Variants in RIT2 observed in about 807,000 individuals in gnomAD.
RIT2 encodes Ras like without CAAX 2.
RIT2 carries 24 observed loss-of-function variants against 23.7 expected under a neutral mutation model. The observed-to-expected ratio is 1.01, with a 90% CI of 0.73 to 1.43. The LOEUF (loss-of-function observed/expected upper bound fraction) is 1.43, where lower values mean the gene tolerates loss of function less well. Among genes scored for constraint, RIT2 ranks in the 40% most tolerant of loss-of-function variants. The pLI is 0.00. For missense variants in RIT2, 236 were observed against 266.9 expected (o/e 0.88, Z 0.81); for synonymous variants, 107 against 91.1 (o/e 1.17, Z -0.99).
chr18:42,906,552 A>T (rs531106133), intron 4 of RIT2, among the ~76,000 whole-genome samples: 61 of 152,268 alleles, frequency 4.0e-4, no homozygotes, highest in African/African-American at 1.4e-3. Flanking sequence ...GATACACTTA[A>T]GACACTCTGA....
chr18:43,006,285 T>C (rs960555475), intron 2 of RIT2, among the ~76,000 whole-genome samples: 1 of 150,512 alleles, frequency 6.6e-6, no homozygotes, highest in African/African-American at 2.4e-5. Context: ...TTTGTACAAA[T>C]ATAAGTAAGT....
At chr18:42,991,072 T>A (rs1356995352) in intron 2 of RIT2, among the ~76,000 whole-genome samples, 1 of 152,106 alleles carries the variant, frequency 6.6e-6, no homozygotes, top group Admixed American at 6.6e-5. Context: ...AAGCAGAACC[T>A]TTTCGGAAAC....
At chr18:42,795,738 T>C (rs1334452579) in intron 4 of RIT2, among the ~76,000 whole-genome samples, 1 of 152,332 alleles carries the variant, frequency 6.6e-6, no homozygotes, top group East Asian at 1.9e-4. Context: ...AGCTCAGGGA[T>C]TGTAAATACA....
At chr18:42,799,052 C>T (rs1905453907) in intron 4 of RIT2, among the ~76,000 whole-genome samples, 1 of 152,194 alleles carries the variant, frequency 6.6e-6, no homozygotes, top group African/African-American at 2.4e-5. Flanking sequence ...TACTGTCACG[C>T]TGTCAACATA....
chr18:42,873,066 G>A (rs2144066429), intron 4 of RIT2, among the ~76,000 whole-genome samples: 1 of 152,270 alleles, frequency 6.6e-6, no homozygotes, highest in South Asian at 2.1e-4. Flanking sequence ...CTTGGGCTTA[G>A]CTGTCCTAAC....
At chr18:43,050,496 T>C (rs902637968) in intron 1 of RIT2, among the ~76,000 whole-genome samples, 1 of 152,082 alleles carries the variant, frequency 6.6e-6, no homozygotes, top group African/African-American at 2.4e-5. Flanking sequence ...TGTGGTGTTA[T>C]GGTGTTTTGG....
At chr18:42,887,375 CA>C (rs1908049723) in intron 4 of RIT2, among the ~76,000 whole-genome samples, 1 of 152,102 alleles carries the variant, frequency 6.6e-6, no homozygotes, top group Non-Finnish European at 1.5e-5. Context: ...TATGTGATTT[CA>C]TGGTAGGTAA....
intron 3 of RIT2, among the ~76,000 whole-genome samples, chr18:42,946,744 A>G (rs1435327191): frequency 6.6e-6 from 1 of 152,002 alleles, no homozygotes; most frequent in African/African-American, 2.4e-5. Flanking sequence ...TTTTTGCTAC[A>G]GGAAATTTAA....
chr18:42,966,098 C>T (rs1429696183), intron 3 of RIT2, among the ~76,000 whole-genome samples: 1 of 152,012 alleles, frequency 6.6e-6, no homozygotes. Flanking sequence ...TCCTGAAGCT[C>T]CTTCTAATTT....
At chr18:42,870,397 C>T (rs544102219) in intron 4 of RIT2, among the ~76,000 whole-genome samples, 5 of 152,150 alleles carry the variant, frequency 3.3e-5, no homozygotes, top group Admixed American at 6.5e-5. Flanking sequence ...CATGCAACCA[C>T]GCCTGGCTAA....
chr18:43,041,475 C>T (rs1598758363), intron 1 of RIT2, among the ~76,000 whole-genome samples: 1 of 151,968 alleles, frequency 6.6e-6, no homozygotes, highest in Admixed American at 6.6e-5. Flanking sequence ...TATCAAAGAC[C>T]CTTTTTCTTT....
intron 4 of RIT2, among the ~76,000 whole-genome samples, chr18:42,811,900 A>G (rs535935936): frequency 6.6e-6 from 1 of 152,154 alleles, no homozygotes; most frequent in Non-Finnish European, 1.5e-5. Context: ...ATTTCAAGCG[A>G]GAATTGGGTA....
At chr18:43,037,827 T>A (rs1361703102) in intron 1 of RIT2, among the ~76,000 whole-genome samples, 1 of 152,174 alleles carries the variant, frequency 6.6e-6, no homozygotes, top group African/African-American at 2.4e-5. Flanking sequence ...TGAACCATGT[T>A]AACTGTTTGG....
intron 4 of RIT2, among the ~76,000 whole-genome samples, chr18:42,911,380 C>T (rs1047964535): frequency 3.3e-5 from 5 of 151,560 alleles, no homozygotes; most frequent in Admixed American, 1.3e-4. Flanking sequence ...AAACTAAAAG[C>T]CAATTCATCT....
chr18:42,926,087 C>T (rs77064532), intron 3 of RIT2, among the ~76,000 whole-genome samples: 3,540 of 151,660 alleles, frequency 0.023, 61 homozygotes, highest in Middle Eastern at 0.047. Flanking sequence ...TTATCTATAC[C>T]TGAGAATCTT....
At chr18:43,103,349 A>G (rs953271988) in intron 1 of RIT2, among the ~76,000 whole-genome samples, 3 of 152,228 alleles carry the variant, frequency 2.0e-5, no homozygotes, top group Non-Finnish European at 4.4e-5. Context: ...ATCACGGGAA[A>G]AGAAAGACAA....
chr18:42,966,215 A>T (rs757712500), intron 3 of RIT2, among the ~76,000 whole-genome samples: 3 of 152,198 alleles, frequency 2.0e-5, no homozygotes, highest in Non-Finnish European at 4.4e-5. Flanking sequence ...TTCTGTTGGC[A>T]CAGTGGCCCA....
intron 4 of RIT2, among the ~76,000 whole-genome samples, chr18:42,838,999 A>G: frequency 6.6e-6 from 1 of 152,206 alleles, no homozygotes; most frequent in African/African-American, 2.4e-5. Flanking sequence ...GGGTCCTGGC[A>G]ATAGGCATCA....
At chr18:42,930,529 C>T (rs998291287) in intron 3 of RIT2, among the ~76,000 whole-genome samples, 4 of 151,884 alleles carry the variant, frequency 2.6e-5, no homozygotes, top group African/African-American at 4.8e-5. Flanking sequence ...ACCACTGCCT[C>T]GCCAAGGAAA....
Sources: allele counts gnomAD v4.1 joint callset (sites outside exome capture counted in the v4.1 genomes callset), GRCh38; gene constraint gnomAD v4.1.1; transcripts MANE v1.5; gene names NCBI Gene and HGNC (gene_info 2026-07-23, HGNC 2026-07-21).